TMEM63B: variants seen among roughly 807,000 people sequenced by gnomAD.
The protein encoded by TMEM63B is mechanosensitive cation channel TMEM63B.
Under a neutral mutation model 102.6 loss-of-function variants are expected in TMEM63B, and 23 were observed. That is an observed-to-expected ratio of 0.22 (90% CI 0.16 to 0.32). The LOEUF (loss-of-function observed/expected upper bound fraction) is 0.32, where lower values mean the gene tolerates loss of function less well. Among genes scored for constraint, TMEM63B ranks in the 10% least tolerant of loss-of-function variants. TMEM63B has a pLI of 1.00. For missense variants in TMEM63B, 628 were observed against 1,095.9 expected (o/e 0.57, Z 6.03); for synonymous variants, 444 against 437.0 (o/e 1.02, Z -0.20).
At chr6:44,140,963 C>A (rs2128239094) in intron 9 of TMEM63B, 65 bp from the exon 10 acceptor site, 5 of 1,444,492 alleles carry the variant, frequency 3.5e-6, no homozygotes, top group African/African-American at 1.4e-5. Context: ...GCCCCCCACC[C>A]CTCACATCCC....
intron 1 of TMEM63B, among the ~76,000 whole-genome samples, chr6:44,132,015 C>T (rs1333399779): frequency 1.3e-5 from 2 of 152,158 alleles, no homozygotes; most frequent in Non-Finnish European, 2.9e-5. Context: ...AGAGCAGCTG[C>T]CCTTGATGAA....
Position 44,151,970 on chromosome 6 carries a change from C to T in TMEM63B, c.1798C>T (p.Leu600=), listed in dbSNP as rs531124334. The change falls in exon 19 of 24, where the codon CTG becomes TTG. Residue 600 remains leucine, a synonymous_variant. Coordinates refer to ENST00000323267, the MANE Select transcript of TMEM63B (RefSeq NM_018426.3). ...GLLMYMIRLC[L]ARSAAERRNV... ...GCTCATGTACATGATCCGGCTCTGCCTGGCGCGCTCGGCCGCCGAGAGGCG... is the reference window on the plus strand; with the variant it reads ...GCTCATGTACATGATCCGGCTCTGCTTGGCGCGCTCGGCCGCCGAGAGGCG... 11 of 1,611,862 alleles carry T rather than the reference C, an allele frequency of 6.8e-6. No homozygotes were observed. Among genetic ancestry groups the T allele is most frequent in the Middle Eastern group, 1.7e-4 (1 of 6,040 alleles).
chr6:44,133,755 C>A (rs140168332), intron 1 of TMEM63B, among the ~76,000 whole-genome samples: 4 of 152,270 alleles, frequency 2.6e-5, no homozygotes, highest in Admixed American at 6.5e-5. Flanking sequence ...CCCACTCCCC[C>A]CTCCTTTGCC....
chr6:44,139,856 A>G, intron 8 of TMEM63B, 97 bp downstream of exon 8: 1 of 1,489,276 alleles, frequency 6.7e-7, no homozygotes, highest in Non-Finnish European at 9.3e-7. Context: ...TGATGGGAGC[A>G]GAGCCTACAG....
At chr6:44,147,610 C>T in intron 12 of TMEM63B, 110 bp downstream of exon 12, 1 of 1,445,346 alleles carries the variant, frequency 6.9e-7, no homozygotes. Flanking sequence ...ATCCTTGAAG[C>T]CTCAGTTCCC....
intron 21 of TMEM63B, 37 bp from the exon 22 acceptor site, chr6:44,154,035 AG>A: frequency 6.3e-7 from 1 of 1,598,904 alleles, no homozygotes; most frequent in Non-Finnish European, 8.6e-7. Context: ...GGAGGCCCAC[AG>A]GAGATAGCAA....
intron 15 of TMEM63B, 27 bp from the exon 16 acceptor site, chr6:44,149,832 C>CT: frequency 6.3e-7 from 1 of 1,583,914 alleles, no homozygotes; most frequent in Non-Finnish European, 8.6e-7. Flanking sequence ...ACTGCCCTGC[C>CT]TGACGCCCCC....
At chr6:44,140,140 G>A in intron 8 of TMEM63B, 112 bp from the exon 9 acceptor site, 2 of 806,708 alleles carry the variant, frequency 2.5e-6, no homozygotes, top group Non-Finnish European at 4.0e-6. Flanking sequence ...GAAGGCTGGT[G>A]GCAGTAGAGG....
Position 44,154,096 on chromosome 6 carries a change from T to A in TMEM63B, c.2134T>A (p.Phe712Ile). The change falls in exon 22 of 24, where the codon TTC becomes ATC. Residue 712 changes from phenylalanine (F) to isoleucine (I), a missense_variant. Around this residue, in one of 6 missense-constraint regions of TMEM63B, gnomAD observed 11 missense variants for 23.0 expected, o/e 0.48. Coordinates refer to ENST00000323267, the MANE Select transcript of TMEM63B (RefSeq NM_018426.3). ...AGGGTTCCTAGCTCCCACGTCTATG[T>A]TCACATTTGTGGTCCTGGTCATCAC... The part of the protein sequence containing the change: ...RTGFLAPTSM[F>I]TFVVLVITIV... 1 of 1,614,128 alleles carries A rather than the reference T, an allele frequency of 6.2e-7. No homozygotes were observed. Among genetic ancestry groups the A allele is most frequent in the East Asian group, 2.2e-5 (1 of 44,890 alleles).
chr6:44,127,879 A>G (rs1454694103), intron 1 of TMEM63B: 2 of 149,302 alleles, frequency 1.3e-5, no homozygotes, highest in East Asian at 4.1e-4. Context: ...GAGTCCTCCA[A>G]CCCCTGCCGG....
chr6:44,147,508 G>A lies in TMEM63B; in HGVS notation c.987+8G>A, dbSNP rs957969605. ...GTGCGAGGCTGTGAGCAGGTATGAC[G>A]CGGGCTGGCTGTTGAGTCGGGAGAA... On this transcript the variant is annotated splice_region_variant and intron_variant, in intron 12 of 23. Coordinates refer to ENST00000323267, the MANE Select transcript of TMEM63B (RefSeq NM_018426.3). The A allele has an allele frequency of 9.9e-6, 16 of 1,613,950 alleles. No homozygotes were observed. The East Asian group carries it at 1.6e-4, about 16-fold the overall frequency.
rs1765798560 is a variant in TMEM63B at position 44,148,089 on chromosome 6, C to A, written c.988-163C>A. ...AGTGAGCTGAGATTCCACCACTACA[C>A]TCCAGCCTGGGCATCAGAGCGAGAC... On this transcript the variant is annotated intron_variant, in intron 12 of 23. Transcript: ENST00000323267. This position sits in a 1 kb window ranked among gnomAD's most constrained non-coding sequence, Gnocchi z 5.1. Among the ~76,000 whole-genome samples the A allele has an allele frequency of 6.6e-6, 1 of 152,100 alleles. No homozygotes were observed. The highest frequency in any genetic ancestry group is 2.1e-4 in the South Asian group (1 of 4,824).
At chr6:44,127,538 C>T (rs1777381180), upstream of TMEM63B, 1 of 143,434 alleles carries the variant, frequency 7.0e-6, no homozygotes, top group East Asian at 2.1e-4. Context: ...CTCCCTCCCC[C>T]CGCTCCCCCT....
intron 5 of TMEM63B, 25 bp from the exon 6 acceptor site, chr6:44,138,455 C>T (rs370405028): frequency 1.5e-5 from 25 of 1,613,762 alleles, no homozygotes; most frequent in African/African-American, 5.3e-5. Flanking sequence ...TGGGGACTCC[C>T]GCTGACAGCC....
intron 1 of TMEM63B, among the ~76,000 whole-genome samples, chr6:44,128,768 AGTGTCAGCCAGGCTTCAAGTGGGG>A (rs1257167160): frequency 6.6e-6 from 1 of 152,132 alleles, no homozygotes; most frequent in Non-Finnish European, 1.5e-5. Context: ...GGGGAGTGGG[AGTGTCAGCCAGGCTTCAAGTGGGG>A]GTGTGCTGGC....
intron 12 of TMEM63B, among the ~76,000 whole-genome samples, chr6:44,147,768 A>C (rs72858131): frequency 0.074 from 11,235 of 152,272 alleles, 613 homozygotes; most frequent in East Asian, 0.23. Flanking sequence ...CAGTTTCCTC[A>C]TGGGGTTAAC....
chr6:44,153,359 C>A (rs1767204214), intron 20 of TMEM63B, among the ~76,000 whole-genome samples: 1 of 152,168 alleles, frequency 6.6e-6, no homozygotes, highest in African/African-American at 2.4e-5. Context: ...TAGAACTTGT[C>A]CCTTAATTTA....
chr6:44,145,927 T>G (rs547396510), intron 10 of TMEM63B, among the ~76,000 whole-genome samples: 1 of 152,168 alleles, frequency 6.6e-6, no homozygotes, highest in Non-Finnish European at 1.5e-5. Flanking sequence ...GGGTCAGGGT[T>G]AGGAGGTCAG....
chr6:44,154,867 A>G lies in TMEM63B; in HGVS notation c.2483A>G (p.Asn828Ser). 6.3e-7 allele frequency: 1 copy of G among 1,578,138 alleles called. No homozygotes were observed. The part of the protein sequence containing the change: ...FQSCEDSLIE[N>S]EIHQ ...TCTTGCGAGGACAGCCTCATAGAGA[A>G]TGAGATTCACCAGTAAGGGGAGGGA... The change falls in exon 24 of 24, where the codon AAT becomes AGT. Residue 828 changes from asparagine (N) to serine (S), a missense_variant. Physicochemically the swap from Asn to Ser is conservative, Grantham distance 46. This residue lies in a region of TMEM63B where 129 missense variants were observed against 153.5 expected (regional missense o/e 0.84). Transcript: ENST00000323267.
Sources: gnomAD v4.1 joint callset for allele counts (sites outside exome capture counted in the v4.1 genomes callset) on GRCh38, gnomAD v4.1.1 for gene constraint, gnomAD v4.1.1 regional missense constraint, Gnocchi (gnomAD v3.1) non-coding constraint, MANE v1.5 for transcripts, NCBI Gene and HGNC (gene_info 2026-07-23, HGNC 2026-07-21) for gene names.